Variants in RALYL observed in about 807,000 individuals in gnomAD.
RALYL encodes the protein RNA-binding Raly-like protein.
Under a neutral mutation model 35.1 loss-of-function variants are expected in RALYL, and 29 were observed. That is an observed-to-expected ratio of 0.83 (90% confidence interval 0.61 to 1.13). The LOEUF (loss-of-function observed/expected upper bound fraction) is 1.13. Ranked by LOEUF, RALYL falls within the 50% of genes most tolerant of loss-of-function variation. The pLI is 0.00. For synonymous variants in RALYL, 120 were observed against 127.6 expected, an observed-to-expected ratio of 0.94 and a Z score of 0.40; for missense variants, 359 against 360.4, an observed-to-expected ratio of 1.00 and a Z score of 0.03.
intron 2 of RALYL, among the ~76,000 whole-genome samples, chr8:84,552,354 ATATATTTTTT>A (rs1224267321): frequency 5.0e-5 from 3 of 60,200 alleles, no homozygotes; most frequent in African/African-American, 2.1e-4. Flanking sequence ...ATATATATAT[ATATATTTTTT>A]TTTTTTTTTT....
At chr8:84,395,731 C>T (rs1016604869) in intron 1 of RALYL, among the ~76,000 whole-genome samples, 1 of 151,858 alleles carries the variant, frequency 6.6e-6, no homozygotes, top group Non-Finnish European at 1.5e-5. Context: ...GTGAGGATAA[C>T]TATTTTAAAA....
intron 1 of RALYL, among the ~76,000 whole-genome samples, chr8:84,230,555 A>G (rs1007932761): frequency 1.3e-5 from 2 of 152,212 alleles, no homozygotes; most frequent in South Asian, 2.1e-4. Context: ...AATTAGTTGT[A>G]TAATAACTTA....
chr8:84,707,253 A>C (rs1044787499), intron 2 of RALYL, among the ~76,000 whole-genome samples: 4 of 152,172 alleles, frequency 2.6e-5, no homozygotes. Context: ...GTGATAAAGA[A>C]ACAATATATG....
chr8:84,378,842 T>G (rs1328261158), intron 1 of RALYL, among the ~76,000 whole-genome samples: 2 of 151,964 alleles, frequency 1.3e-5, no homozygotes, highest in Non-Finnish European at 2.9e-5. Context: ...CATAGTTTAC[T>G]GCTTCACAAG....
chr8:84,525,391 A>C (rs1330212891), intron 1 of RALYL, among the ~76,000 whole-genome samples: 3 of 152,140 alleles, frequency 2.0e-5, no homozygotes. Context: ...TATTTTTTCC[A>C]ATGCCTGACA....
At chr8:84,526,044 C>A (rs1039896771) in intron 1 of RALYL, among the ~76,000 whole-genome samples, 1 of 148,500 alleles carries the variant, frequency 6.7e-6, no homozygotes, top group African/African-American at 2.5e-5. Context: ...CTCTGACTCC[C>A]AACTTCAAGC....
chr8:84,512,698 AT>A (rs536869271), intron 1 of RALYL, among the ~76,000 whole-genome samples: 94 of 152,144 alleles, frequency 6.2e-4, no homozygotes, highest in African/African-American at 2.2e-3. Context: ...ATTTTGGTTT[AT>A]TTTTGTGTAT....
chr8:84,211,468 T>C (rs1057292010), intron 1 of RALYL, among the ~76,000 whole-genome samples: 1 of 152,144 alleles, frequency 6.6e-6, no homozygotes, highest in Non-Finnish European at 1.5e-5. Flanking sequence ...TGAATAGTAA[T>C]GTAATTAGAT....
intron 1 of RALYL, among the ~76,000 whole-genome samples, chr8:84,414,843 A>C (rs578135576): frequency 2.0e-5 from 3 of 152,294 alleles, no homozygotes; most frequent in Admixed American, 2.0e-4. Context: ...CAGCTCAGGA[A>C]ACATGGGCCA....
intron 1 of RALYL, among the ~76,000 whole-genome samples, chr8:84,434,480 C>T (rs2047488490): frequency 6.6e-6 from 1 of 152,140 alleles, no homozygotes; most frequent in Non-Finnish European, 1.5e-5. Flanking sequence ...CATGAATTAG[C>T]TTGATTTAAC....
chr8:84,428,770 T>C (rs567580032), intron 1 of RALYL, among the ~76,000 whole-genome samples: 1 of 152,264 alleles, frequency 6.6e-6, no homozygotes, highest in South Asian at 2.1e-4. Flanking sequence ...AGTTACTTTG[T>C]ATAGTATAAT....
intron 4 of RALYL, among the ~76,000 whole-genome samples, chr8:84,825,726 G>A (rs748459793): frequency 5.9e-5 from 9 of 152,034 alleles, no homozygotes; most frequent in Admixed American, 1.3e-4. Flanking sequence ...AAATTAGCTG[G>A]GCATGGTGGT....
At chr8:84,232,423 G>T (rs1380968795) in intron 1 of RALYL, among the ~76,000 whole-genome samples, 2 of 150,762 alleles carry the variant, frequency 1.3e-5, no homozygotes, top group African/African-American at 5.0e-5. Context: ...ATGATAATGA[G>T]ATATCATTTT....
At chr8:84,816,298 T>A (rs1827277611) in intron 4 of RALYL, among the ~76,000 whole-genome samples, 1 of 152,202 alleles carries the variant, frequency 6.6e-6, no homozygotes, top group East Asian at 1.9e-4. Flanking sequence ...TGAGCCACTT[T>A]GAGCATACAC....
intron 1 of RALYL, among the ~76,000 whole-genome samples, chr8:84,199,166 T>C (rs567212073): frequency 4.6e-5 from 7 of 152,298 alleles, no homozygotes; most frequent in African/African-American, 1.7e-4. Flanking sequence ...TGTTATTGCC[T>C]GGCTTTTGGA....
chr8:84,667,033 G>T (rs1487954149), intron 2 of RALYL, among the ~76,000 whole-genome samples: 3 of 152,090 alleles, frequency 2.0e-5, no homozygotes, highest in Non-Finnish European at 2.9e-5. Context: ...TTAAGTAAAA[G>T]TGTGAAACCT....
At chr8:84,507,371 C>T (rs2057264154) in intron 1 of RALYL, among the ~76,000 whole-genome samples, 1 of 151,842 alleles carries the variant, frequency 6.6e-6, no homozygotes, top group Admixed American at 6.6e-5. Flanking sequence ...TTACTAGATA[C>T]CAAAGTATAA....
At chr8:84,491,865 T>G (rs1385936873) in intron 1 of RALYL, among the ~76,000 whole-genome samples, 1 of 151,968 alleles carries the variant, frequency 6.6e-6, no homozygotes, top group Non-Finnish European at 1.5e-5. Context: ...TAGGTTTCTT[T>G]CCAATTTTAT....
At chr8:84,561,761 A>C (rs2061483062) in intron 2 of RALYL, among the ~76,000 whole-genome samples, 1 of 152,054 alleles carries the variant, frequency 6.6e-6, no homozygotes, top group Admixed American at 6.6e-5. Context: ...GCATGGATAC[A>C]CTAGACATAG....
Sources: gnomAD v4.1 joint callset for allele counts (sites outside exome capture counted in the v4.1 genomes callset) on GRCh38, gnomAD v4.1.1 for gene constraint, MANE v1.5 for transcripts, NCBI Gene and HGNC (gene_info 2026-07-23, HGNC 2026-07-21) for gene names.